Variants in TRIM13 observed in about 807,000 individuals in gnomAD.
TRIM13 encodes the protein tripartite motif containing 13, also known as E3 ubiquitin-protein ligase TRIM13.
Under a neutral mutation model 27.1 loss-of-function variants are expected in TRIM13, and 15 were observed. The ratio of observed to expected loss-of-function variants is 0.55; its 90% confidence interval spans 0.37 to 0.85. TRIM13 has a LOEUF of 0.85. Among genes scored for constraint, TRIM13 ranks in the 40% least tolerant of loss-of-function variants. The pLI is 0.00. For synonymous variants in TRIM13, 193 were observed against 171.5 expected, an observed-to-expected ratio of 1.13 and a Z score of -0.98; for missense variants, 402 against 472.2, an observed-to-expected ratio of 0.85 and a Z score of 1.38.
chr13:50,006,792 T>G lies in TRIM13; in HGVS notation c.-6-5143T>G, dbSNP rs79734377. On this transcript the variant is annotated intron_variant, in intron 1 of 1. Transcript: ENST00000378182. Reference sequence around the variant, plus strand: ...AAAAATCAGCTAATTACACCTTTTTTTGCAATATGACACTAAATTTGAGAC... The same window carrying G: ...AAAAATCAGCTAATTACACCTTTTTGTGCAATATGACACTAAATTTGAGAC... 8.0e-3 allele frequency among the ~76,000 whole-genome samples: 1,223 copies of G among 152,284 alleles called. 28 individuals carry two copies. The highest frequency in any genetic ancestry group is 0.028 in the African/African-American group (1,159 of 41,526).
At chr13:50,006,070 A>T (rs1874672184) in intron 1 of TRIM13, among the ~76,000 whole-genome samples, 2 of 152,104 alleles carry the variant, frequency 1.3e-5, no homozygotes, top group Non-Finnish European at 2.9e-5. Context: ...TTATCAACCA[A>T]AATTTGTAAG....
chr13:50,006,911 T>G (rs1343700725), intron 1 of TRIM13, among the ~76,000 whole-genome samples: 1 of 152,160 alleles, frequency 6.6e-6, no homozygotes, highest in Admixed American at 6.5e-5. Context: ...CTGGGCGTGG[T>G]GGCTCACACC....
Position 50,015,453 on chromosome 13 carries a change from A to G in TRIM13, c.*2289A>G. ...TTTATGGTTATAGGTTGATTTCCTAAGTGTGGCTGATGGTAGCCTCTAGTT... is the reference window on the plus strand; with the variant it reads ...TTTATGGTTATAGGTTGATTTCCTAGGTGTGGCTGATGGTAGCCTCTAGTT... On this transcript the variant is annotated 3_prime_UTR_variant, in exon 2 of 2. Coordinates refer to ENST00000378182, the MANE Select transcript of TRIM13 (RefSeq NM_213590.3). 7.1e-7 allele frequency: 1 copy of G among 1,413,696 alleles called. No homozygotes were observed. The highest frequency in any genetic ancestry group is 9.8e-7 in the Non-Finnish European group (1 of 1,018,758). The allele number at this position is 1,413,696 out of a possible 1,614,324, so 87.6% of individuals were successfully genotyped here.
At chr13:50,001,502 A>T (rs1874037509) in intron 1 of TRIM13, among the ~76,000 whole-genome samples, 1 of 152,164 alleles carries the variant, frequency 6.6e-6, no homozygotes, top group South Asian at 2.1e-4. Flanking sequence ...AACATTCTGT[A>T]CTAGCTCTAT....
chr13:50,002,891 G>A (rs961563919), intron 1 of TRIM13, among the ~76,000 whole-genome samples: 1 of 152,088 alleles, frequency 6.6e-6, no homozygotes, highest in Non-Finnish European at 1.5e-5. Flanking sequence ...TTGAACTCCT[G>A]ACCTCATGAT....
At position 50,016,773 on chromosome 13, in the gene TRIM13, ATTATT is replaced by A. The variant is rs1445151938; in HGVS notation, c.*3613_*3617del. On this transcript the variant is annotated 3_prime_UTR_variant, in exon 2 of 2. Coordinates refer to ENST00000378182, the MANE Select transcript of TRIM13 (RefSeq NM_213590.3). ...TAAAATGTCTTAATGCTGTCCTACC[ATTATT>A]TTACCAACTGTGAAAGCTGGCTTTA... The A allele has an allele frequency of 6.0e-6, 1 of 166,930 alleles. No individual in the cohort carries two copies. The highest frequency in any genetic ancestry group is 1.5e-5 in the Non-Finnish European group (1 of 68,084). 10.3% of individuals were successfully genotyped at this position (166,930 alleles called of 1,614,324 possible).
chr13:50,015,589 A>G lies in TRIM13; in HGVS notation c.*2425A>G. Reference sequence around the variant, plus strand: ...AGCAGTTTCCTGCTTCTCGTTTGGCACGCATGTTAGATGGCAGAGACCAAG... The same window carrying G: ...AGCAGTTTCCTGCTTCTCGTTTGGCGCGCATGTTAGATGGCAGAGACCAAG... On this transcript the variant is annotated 3_prime_UTR_variant, in exon 2 of 2. Transcript: ENST00000378182. 1 of 1,614,144 alleles carries G rather than the reference A, an allele frequency of 6.2e-7. No individual in the cohort carries two copies.
At chr13:50,001,355 A>C (rs1296560818) in intron 1 of TRIM13, among the ~76,000 whole-genome samples, 1 of 151,698 alleles carries the variant, frequency 6.6e-6, no homozygotes, top group Non-Finnish European at 1.5e-5. Context: ...GAAGAGAATG[A>C]AGGAAAAGGA....
In TRIM13 at chr13:50,015,725, G is replaced by A; in HGVS notation, c.*2561G>A. On this transcript the variant is annotated 3_prime_UTR_variant, in exon 2 of 2. Transcript: ENST00000378182. ...GCTTTTATTACCCACTGAATTTTCA[G>A]ACTATCTTAGGCTTCAGAGAGAGGC... 6.2e-7 allele frequency: 1 copy of A among 1,614,040 alleles called. No homozygotes were observed. The highest frequency in any genetic ancestry group is 2.2e-5 in the East Asian group (1 of 44,874).
chr13:50,005,739 A>C (rs928091610), intron 1 of TRIM13, among the ~76,000 whole-genome samples: 3 of 147,640 alleles, frequency 2.0e-5, no homozygotes, highest in South Asian at 2.2e-4. Context: ...GGAAATATTT[A>C]GTTTTTTTTT....
rs140124748 is a variant in TRIM13 at position 50,010,334 on chromosome 13, G to A, written c.-6-1601G>A. On this transcript the variant is annotated intron_variant, in intron 1 of 1. Coordinates refer to ENST00000378182, the MANE Select transcript of TRIM13 (RefSeq NM_213590.3). ...CTTCCAGAGTGTTAGGATTACAGGCGTGAGCCACTGCTCCCAGCCTGAATC... is the reference window on the plus strand; with the variant it reads ...CTTCCAGAGTGTTAGGATTACAGGCATGAGCCACTGCTCCCAGCCTGAATC... 1.8e-4 allele frequency among the ~76,000 whole-genome samples: 28 copies of A among 152,276 alleles called. No homozygotes were observed. In the East Asian group the frequency reaches 4.8e-3, roughly 26 times the overall value.
rs779032186 is a variant in TRIM13, at chr13:50,015,464, T to C, written c.*2300T>C. On this transcript the variant is annotated 3_prime_UTR_variant, in exon 2 of 2. Coordinates refer to ENST00000378182, the MANE Select transcript of TRIM13 (RefSeq NM_213590.3). The stretch of plus-strand genomic sequence containing the variant: ...AGGTTGATTTCCTAAGTGTGGCTGA[T>C]GGTAGCCTCTAGTTTGAAGTGAGGG... 7 of 1,499,182 alleles carry C rather than the reference T, an allele frequency of 4.7e-6. No homozygotes were observed. The highest frequency in any genetic ancestry group is 6.4e-6 in the Non-Finnish European group (7 of 1,090,686). The allele number at this position is 1,499,182 out of a possible 1,614,324, so 92.9% of individuals were successfully genotyped here.
chr13:50,012,944 T>C lies in TRIM13; in HGVS notation c.1004T>C (p.Phe335Ser), dbSNP rs775278659. The change falls in exon 2 of 2, where the codon TTC becomes TCC. Residue 335 changes from phenylalanine (F) to serine (S), a missense_variant. By Grantham distance (155) the Phe-to-Ser change is radical. Transcript: ENST00000378182. ...GLVIVFGPTMFLEWSLFDDLA... is the reference protein window; with the variant it reads ...GLVIVFGPTMSLEWSLFDDLA... ...GTCATTGTCTTTGGTCCTACCATGT[T>C]CCTAGAATGGTCATTATTTGATGAC... The C allele has an allele frequency of 1.1e-5, 17 of 1,613,980 alleles. No homozygotes were observed. Among genetic ancestry groups the C allele is most frequent in the Non-Finnish European group, 1.4e-5 (17 of 1,179,958 alleles).
chr13:49,997,134 C>G lies in TRIM13; in HGVS notation c.-636C>G, dbSNP rs1006089037. 6.6e-6 allele frequency: 1 copy of G among 151,380 alleles called. No homozygotes were observed. The highest frequency in any genetic ancestry group is 1.5e-5 in the Non-Finnish European group (1 of 67,988). 9.4% of individuals were successfully genotyped at this position (151,380 alleles called of 1,614,324 possible). ...GCGGCCTTTCCCACTAGCCGGAGGT[C>G]GGAGATAAGTACCCGCCGCCCGGCT... On this transcript the variant is annotated 5_prime_UTR_variant, in exon 1 of 2. Transcript: ENST00000378182.
chr13:50,014,360 T>TATATATACACACACACAC lies in TRIM13; in HGVS notation c.*1197_*1198insTATATACACACACACACA, dbSNP rs879170111. ...AAAAAAAAAAATATATATATATATA[T>TATATATACACACACACAC]ACACACACACACACACATATGTACA... On this transcript the variant is annotated 3_prime_UTR_variant, in exon 2 of 2. Coordinates refer to ENST00000378182, the MANE Select transcript of TRIM13 (RefSeq NM_213590.3). 9 of 58,562 alleles carry TATATATACACACACACAC rather than the reference T, an allele frequency of 1.5e-4. No individual in the cohort carries two copies. Among genetic ancestry groups the TATATATACACACACACAC allele is most frequent in the East Asian group, 1.9e-3 (2 of 1,078 alleles). The allele number at this position is 58,562 out of a possible 1,614,324, so 3.6% of individuals were successfully genotyped here.
rs542210254 is a variant in TRIM13, at chr13:50,004,637, G to A, written c.-7+6874G>A. On this transcript the variant is annotated intron_variant, in intron 1 of 1. Transcript: ENST00000378182. ...AATTAGCCAGGTGGTAGTGGTGCAT[G>A]CCTGTAATCCGAGCTACACGGGAGG... is the stretch of plus-strand genomic sequence containing the variant. 3.8e-3 allele frequency among the ~76,000 whole-genome samples: 584 copies of A among 152,044 alleles called. 3 individuals carry two copies. The highest frequency in any genetic ancestry group is 5.9e-3 in the Non-Finnish European group (404 of 67,962).
At position 50,017,991 on chromosome 13, in the gene TRIM13, G is replaced by A. The variant is rs1876821373; in HGVS notation, c.*4827G>A. 6.0e-6 allele frequency: 1 copy of A among 167,132 alleles called. No individual in the cohort carries two copies. Among genetic ancestry groups the A allele is most frequent in the East Asian group, 1.9e-4 (1 of 5,196 alleles). The allele number at this position is 167,132 out of a possible 1,614,324, so 10.4% of individuals were successfully genotyped here. On this transcript the variant is annotated 3_prime_UTR_variant, in exon 2 of 2. Transcript: ENST00000378182. ...ATTATCTCTCAAGGTCACAGTACTA[G>A]AAATACTTGGCTTGCATCTTTCAGA... is the stretch of plus-strand genomic sequence containing the variant.
In TRIM13 at chr13:50,015,086, AAAAAAAAAATATATATATATATATAT is replaced by A. The variant is rs1876242068; in HGVS notation, c.*1924_*1949del. On this transcript the variant is annotated 3_prime_UTR_variant, in exon 2 of 2. Transcript: ENST00000378182. Reference sequence around the variant, plus strand: ...TCCCCTCCCAGTAATAAAAAAAAAAAAAAAAAAAATATATATATATATATATATATATATATATATATATATATATA... The same window carrying A: ...TCCCCTCCCAGTAATAAAAAAAAAAAATATATATATATATATATATATATA... 1.8e-5 allele frequency: 1 copy of A among 56,800 alleles called. No individual in the cohort carries two copies. Among genetic ancestry groups the A allele is most frequent in the Non-Finnish European group, 3.7e-5 (1 of 27,322 alleles). 3.5% of individuals were successfully genotyped at this position (56,800 alleles called of 1,614,324 possible). A position where few individuals can be genotyped will look rare whatever the true frequency, so the allele number is the denominator to read the frequency against.
At position 50,011,929 on chromosome 13, in the gene TRIM13, TGG is replaced by T. The variant is rs1459435419; in HGVS notation, c.-6-5_-6-4del. On this transcript the variant is annotated splice_polypyrimidine_tract_variant and splice_region_variant and intron_variant, in intron 1 of 1. Transcript: ENST00000378182. Reference sequence around the variant, plus strand: ...GGAGTAAAATAATTTTTTTTTTTTCTGGTAGGATGTGATGGAGCTGCTTGAAG... The same window carrying T: ...GGAGTAAAATAATTTTTTTTTTTTCTTAGGATGTGATGGAGCTGCTTGAAG... 1.7e-5 allele frequency: 26 copies of T among 1,574,914 alleles called. No individual in the cohort carries two copies. The highest frequency in any genetic ancestry group is 9.7e-5 in the Admixed American group (5 of 51,448).
Sources: gnomAD v4.1 joint callset for allele counts (sites outside exome capture counted in the v4.1 genomes callset) on GRCh38, gnomAD v4.1.1 for gene constraint, MANE v1.5 for transcripts, NCBI Gene and HGNC (gene_info 2026-07-23, HGNC 2026-07-21) for gene names.